Variants in MYO1B observed in about 807,000 individuals in gnomAD.
MYO1B encodes the protein myosin IB.
In MYO1B, 72 loss-of-function variants were observed where a neutral mutation model predicts 159.7. The observed-to-expected ratio is 0.45, with a 90% CI of 0.37 to 0.55. MYO1B has a LOEUF of 0.55. Ranked by LOEUF, MYO1B falls within the 20% of genes least tolerant of loss-of-function variation. The pLI is 0.00. For missense variants in MYO1B, 1,062 were observed against 1,364.8 expected (o/e 0.78, Z 3.50); for synonymous variants, 468 against 473.8 (o/e 0.99, Z 0.16).
At chr2:191,408,994 C>A (rs1390260685) in intron 25 of MYO1B, 50 bp from the exon 26 acceptor site, 1 of 1,560,940 alleles carries the variant, frequency 6.4e-7, no homozygotes, top group African/African-American at 1.4e-5. Flanking sequence ...AAAACAGTGT[C>A]TTTTGTGGTA....
chr2:191,396,411 T>C lies in MYO1B; in HGVS notation c.2227-18T>C, dbSNP rs762828240. The stretch of plus-strand genomic sequence containing the variant: ...ATATTAACTACAACTGCCAATATCT[T>C]CCCCTTTTATCCTACAGCAACAAAA... On this transcript the variant is annotated intron_variant, in intron 20 of 30. Coordinates refer to ENST00000392318, the MANE Select transcript of MYO1B (RefSeq NM_001130158.3). The C allele has an allele frequency of 1.9e-6, 3 of 1,613,262 alleles. No homozygotes were observed. Among genetic ancestry groups the C allele is most frequent in the Non-Finnish European group, 1.7e-6 (2 of 1,179,340 alleles).
intron 11 of MYO1B, 47 bp from the exon 12 acceptor site, chr2:191,369,495 A>T: frequency 1.5e-6 from 2 of 1,293,596 alleles, no homozygotes; most frequent in Non-Finnish European, 2.2e-6. Flanking sequence ...AAAAGTAAGC[A>T]TTGTGGAATT....
In MYO1B at chr2:191,416,269, C is replaced by G. The variant is rs937380378; in HGVS notation, c.3287+27C>G. The G allele has an allele frequency of 1.1e-5, 17 of 1,612,916 alleles. No homozygotes were observed. In the Admixed American group the frequency reaches 2.3e-4, roughly 22 times the overall value. On this transcript the variant is annotated intron_variant, in intron 30 of 30. Coordinates refer to ENST00000392318, the MANE Select transcript of MYO1B (RefSeq NM_001130158.3). The stretch of plus-strand genomic sequence containing the variant: ...TACGTTCATGTATTGTTTGAAAACC[C>G]TTTTTCTCTTTCAGCTTTTTTGTTT...
At chr2:191,315,754 T>G (rs1690306672) in intron 3 of MYO1B, among the ~76,000 whole-genome samples, 1 of 152,246 alleles carries the variant, frequency 6.6e-6, no homozygotes, top group Non-Finnish European at 1.5e-5. Flanking sequence ...AATTCTCATG[T>G]TACTAAGTGG....
chr2:191,338,447 G>T (rs1251538720), intron 4 of MYO1B, among the ~76,000 whole-genome samples: 1 of 152,052 alleles, frequency 6.6e-6, no homozygotes, highest in Non-Finnish European at 1.5e-5. Context: ...GATATTATGG[G>T]TTTATATATA....
At chr2:191,279,195 T>A (rs1441613436) in intron 2 of MYO1B, among the ~76,000 whole-genome samples, 2 of 152,248 alleles carry the variant, frequency 1.3e-5, no homozygotes, top group Non-Finnish European at 1.5e-5. Context: ...TTTTTCATGA[T>A]AATTCAGGGC....
intron 4 of MYO1B, among the ~76,000 whole-genome samples, chr2:191,335,802 C>T (rs1407883790): frequency 6.6e-6 from 1 of 151,980 alleles, no homozygotes; most frequent in Non-Finnish European, 1.5e-5. Context: ...GGTCATAAAC[C>T]CTCCTTGGCA....
intron 1 of MYO1B, among the ~76,000 whole-genome samples, chr2:191,272,548 G>A (rs1163466637): frequency 6.6e-6 from 1 of 152,180 alleles, no homozygotes; most frequent in East Asian, 1.9e-4. Context: ...GGCAGAGGTG[G>A]TGCTTGGGAT....
intron 3 of MYO1B, among the ~76,000 whole-genome samples, chr2:191,300,016 A>C (rs535570250): frequency 1.3e-5 from 2 of 152,274 alleles, no homozygotes; most frequent in Admixed American, 1.3e-4. Flanking sequence ...CTGTCTCACC[A>C]CTTTCTGCAT....
intron 24 of MYO1B, among the ~76,000 whole-genome samples, chr2:191,406,007 T>C (rs1015588358): frequency 1.1e-4 from 16 of 152,278 alleles, no homozygotes; most frequent in African/African-American, 3.9e-4. Context: ...CTGTTTTGTC[T>C]ACATTGGAAA....
At chr2:191,369,268 C>T (rs1276796010) in intron 11 of MYO1B, among the ~76,000 whole-genome samples, 1 of 152,062 alleles carries the variant, frequency 6.6e-6, no homozygotes, top group Non-Finnish European at 1.5e-5. Flanking sequence ...TCTGATTTTT[C>T]TCTGTTCCAT....
chr2:191,291,307 AG>A (rs979636372), intron 2 of MYO1B, among the ~76,000 whole-genome samples: 2 of 152,222 alleles, frequency 1.3e-5, no homozygotes, highest in African/African-American at 4.8e-5. Flanking sequence ...CTTGAAATCT[AG>A]GAAGGTCGAG....
chr2:191,349,797 AG>A (rs1365837216), intron 6 of MYO1B, among the ~76,000 whole-genome samples: 2 of 152,260 alleles, frequency 1.3e-5, no homozygotes. Flanking sequence ...CAATAAAAAA[AG>A]ACTATCTTCC....
intron 1 of MYO1B, among the ~76,000 whole-genome samples, chr2:191,256,224 T>A (rs977240506): frequency 1.3e-5 from 2 of 152,332 alleles, no homozygotes; most frequent in East Asian, 3.9e-4. Context: ...GAGACAATAC[T>A]GGTTTTTGAA....
chr2:191,256,214 G>A (rs987269072), intron 1 of MYO1B, among the ~76,000 whole-genome samples: 1 of 152,184 alleles, frequency 6.6e-6, no homozygotes, highest in African/African-American at 2.4e-5. Flanking sequence ...CTGGGCTCTG[G>A]AGACAATACT....
chr2:191,319,019 T>A (rs1204529889), intron 3 of MYO1B, among the ~76,000 whole-genome samples: 1 of 152,084 alleles, frequency 6.6e-6, no homozygotes, highest in Admixed American at 6.5e-5. Context: ...GGGAGTGGCC[T>A]CTTTGCATTT....
At position 191,346,283 on chromosome 2, in the gene MYO1B, G is replaced by T; in HGVS notation, c.498+1G>T. 6.4e-7 allele frequency: 1 copy of T among 1,563,666 alleles called. No homozygotes were observed. The highest frequency in any genetic ancestry group is 1.2e-5 in the South Asian group (1 of 82,738). On this transcript the variant is annotated splice_donor_variant, in intron 6 of 30. Transcript: ENST00000392318. LOFTEE classifies it high-confidence loss of function. ...AAGGAATGACAACTCCTCTAGATTT[G>T]TAAGTATTTGTATAAGCATAAGTGT...
At chr2:191,326,764 G>GTATATA (rs572543081) in intron 3 of MYO1B, among the ~76,000 whole-genome samples, 1 of 133,800 alleles carries the variant, frequency 7.5e-6, no homozygotes, top group South Asian at 2.7e-4. Flanking sequence ...CCTTGTGTTT[G>GTATATA]TATATATGTG....
intron 13 of MYO1B, among the ~76,000 whole-genome samples, chr2:191,370,502 A>AGT (rs58911860): frequency 0.021 from 3,147 of 148,086 alleles, 32 homozygotes; most frequent in African/African-American, 0.041. Flanking sequence ...TGTGTGCCTG[A>AGT]GTGTGTGTGT....
Sources: gnomAD v4.1 joint callset for allele counts (sites outside exome capture counted in the v4.1 genomes callset) on GRCh38, gnomAD v4.1.1 for gene constraint, MANE v1.5 for transcripts, NCBI Gene and HGNC (gene_info 2026-07-23, HGNC 2026-07-21) for gene names.